The following SAMD5 variants were observed in gnomAD, a reference collection of about 807,000 sequenced individuals.
The protein encoded by SAMD5 is sterile alpha motif domain-containing protein 5.
A neutral mutation model predicts 11.3 loss-of-function variants in SAMD5; 13 were observed. That is an observed-to-expected ratio of 1.15 (90% CI 0.75 to 1.83). The LOEUF (loss-of-function observed/expected upper bound fraction) is 1.83, where lower values mean the gene tolerates loss of function less well. Ranked by LOEUF, SAMD5 falls within the 40% of genes most tolerant of loss-of-function variation. The pLI, the probability that SAMD5 is intolerant of heterozygous loss-of-function variation, is 0.00. For missense variants in SAMD5, 255 were observed against 239.1 expected (o/e 1.07, Z -0.44); for synonymous variants, 129 against 111.3 (o/e 1.16, Z -1.00).
chr6:147,746,299 T>C, the SAMD5 span, among the ~76,000 whole-genome samples: 1 of 152,166 alleles, frequency 6.6e-6, no homozygotes, highest in African/African-American at 2.4e-5. Context: ...CCTGGGCTGC[T>C]CAGACTCCCT....
intron 1 of SAMD5, among the ~76,000 whole-genome samples, chr6:147,551,416 A>G (rs1788769942): frequency 6.6e-6 from 1 of 152,118 alleles, no homozygotes; most frequent in African/African-American, 2.4e-5. Context: ...AGGAAATACC[A>G]TTTTCTTTTA....
the SAMD5 span, among the ~76,000 whole-genome samples, chr6:147,934,823 A>C: frequency 9.2e-4 from 140 of 152,282 alleles, no homozygotes; most frequent in African/African-American, 3.2e-3. Context: ...GCTGTTGACC[A>C]TTAGGTTTTA....
rs80029487 is a variant in SAMD5 at position 147,593,684 on chromosome 6, A to G, written c.162+84297A>G. Among the ~76,000 whole-genome samples, 912 of 152,294 alleles carry G rather than the reference A, an allele frequency of 6.0e-3. 13 individuals are homozygous for G. Among genetic ancestry groups the G allele is most frequent in the African/African-American group, 0.021 (864 of 41,568 alleles). On this transcript the variant is annotated intron_variant, in intron 1 of 1. Transcript: ENST00000566741. ...TCTAAATGATTAAAACTGCAAAAGCATGCATCAAAGTTAGACTCTGCTGTG... is the reference window on the plus strand; with the variant it reads ...TCTAAATGATTAAAACTGCAAAAGCGTGCATCAAAGTTAGACTCTGCTGTG...
the SAMD5 span, among the ~76,000 whole-genome samples, chr6:147,778,039 C>G: frequency 6.6e-6 from 1 of 152,182 alleles, no homozygotes; most frequent in African/African-American, 2.4e-5. Flanking sequence ...TTTAAAGGAA[C>G]TGCAAAACTG....
the SAMD5 span, among the ~76,000 whole-genome samples, chr6:147,816,302 ATATATATAT>A: frequency 1.9e-4 from 8 of 43,222 alleles, no homozygotes; most frequent in East Asian, 7.1e-4. Flanking sequence ...AAAAAAAAAA[ATATATATAT>A]ATATATATAT....
chr6:147,921,314 C>CACACACACACACACACA, the SAMD5 span, among the ~76,000 whole-genome samples: 1 of 149,616 alleles, frequency 6.7e-6, no homozygotes, highest in African/African-American at 2.5e-5. Flanking sequence ...CACACACACA[C>CACACACACACACACACA]TTCAAAACCA....
At chr6:147,777,374 G>A in the SAMD5 span, among the ~76,000 whole-genome samples, 2 of 152,056 alleles carry the variant, frequency 1.3e-5, no homozygotes, top group African/African-American at 4.8e-5. Flanking sequence ...CAGTCATTTC[G>A]CTTGACCTTT....
chr6:147,708,806 G>A lies in SAMD5; in HGVS notation c.163-28511G>A, dbSNP rs1344247631. ...TAATAACAAATGAGCCTCACAGAAG[G>A]ATTTATGATTTTGAACCATAGGGTT... On this transcript the variant is annotated intron_variant, in intron 1 of 1. Transcript: ENST00000566741. Among the ~76,000 whole-genome samples, 17 of 152,294 alleles carry A rather than the reference G, an allele frequency of 1.1e-4. No individual in the cohort carries two copies. The East Asian group carries it at 1.9e-3, about 17-fold the overall frequency.
chr6:147,768,107 A>T, the SAMD5 span, among the ~76,000 whole-genome samples: 1 of 152,210 alleles, frequency 6.6e-6, no homozygotes, highest in African/African-American at 2.4e-5. Context: ...CCAGTTATGG[A>T]AGCAAAGTGT....
intron 1 of SAMD5, among the ~76,000 whole-genome samples, chr6:147,527,905 C>A (rs996388624): frequency 1.3e-5 from 2 of 152,042 alleles, no homozygotes; most frequent in Admixed American, 6.5e-5. Context: ...TCTAGAGAGG[C>A]CTGAGGGAGA....
rs192233198 is a variant in SAMD5, at chr6:147,650,272, T to C, written c.163-87045T>C. 6.6e-5 allele frequency among the ~76,000 whole-genome samples: 10 copies of C among 152,320 alleles called. 1 individual carries two copies. The South Asian group carries it at 1.0e-3, about 16-fold the overall frequency. ...GGACTGTGGTGAAGGACACCTGTCA[T>C]ATTGTAAGCCATATGGACTCTCAGG... On this transcript the variant is annotated intron_variant, in intron 1 of 1. Coordinates refer to the SAMD5 transcript ENST00000566741.
intron 1 of SAMD5, among the ~76,000 whole-genome samples, chr6:147,683,120 A>C (rs1246779248): frequency 6.6e-6 from 1 of 152,240 alleles, no homozygotes; most frequent in Non-Finnish European, 1.5e-5. Context: ...ACTTCTGATC[A>C]TTGGGGCAGA....
chr6:147,881,531 C>T, the SAMD5 span, among the ~76,000 whole-genome samples: 8 of 152,268 alleles, frequency 5.3e-5, no homozygotes, highest in South Asian at 1.0e-3. Flanking sequence ...GGCCTCCATA[C>T]GGTAGAGGTG....
chr6:147,847,560 A>G, the SAMD5 span, among the ~76,000 whole-genome samples: 1 of 152,200 alleles, frequency 6.6e-6, no homozygotes, highest in Non-Finnish European at 1.5e-5. Context: ...GATCCAAAGA[A>G]TATTACCTGG....
the SAMD5 span, among the ~76,000 whole-genome samples, chr6:147,917,442 A>G: frequency 6.6e-6 from 1 of 151,866 alleles, no homozygotes; most frequent in Non-Finnish European, 1.5e-5. Flanking sequence ...AGTTCACTGT[A>G]GATTCTGGAT....
chr6:147,531,588 C>T (rs942818314), intron 1 of SAMD5, among the ~76,000 whole-genome samples: 2 of 152,146 alleles, frequency 1.3e-5, no homozygotes, highest in African/African-American at 4.8e-5. Context: ...TTTCATTTTG[C>T]CCATCAGTGC....
chr6:147,703,475 G>C (rs762465267), intron 1 of SAMD5, among the ~76,000 whole-genome samples: 3 of 152,200 alleles, frequency 2.0e-5, no homozygotes, highest in Non-Finnish European at 4.4e-5. Context: ...TTACCATTAA[G>C]TAGTTTGATA....
chr6:147,798,967 C>G, the SAMD5 span, among the ~76,000 whole-genome samples: 1 of 152,184 alleles, frequency 6.6e-6, no homozygotes, highest in Non-Finnish European at 1.5e-5. Flanking sequence ...TGTGTCTCTA[C>G]ACGTGAGATG....
the SAMD5 span, among the ~76,000 whole-genome samples, chr6:147,924,927 G>A: frequency 1.3e-5 from 2 of 151,950 alleles, no homozygotes; most frequent in Non-Finnish European, 2.9e-5. Context: ...TGACCTTGAG[G>A]CATTGTGATT....
Sources: gnomAD v4.1 joint callset for allele counts (sites outside exome capture counted in the v4.1 genomes callset) on GRCh38, gnomAD v4.1.1 for gene constraint, MANE v1.5 for transcripts, NCBI Gene and HGNC (gene_info 2026-07-23, HGNC 2026-07-21) for gene names.